Variants in GABPA observed in about 807,000 individuals in gnomAD.
GABPA encodes the protein GA binding protein transcription factor subunit alpha.
A neutral mutation model predicts 59.4 loss-of-function variants in GABPA; 4 were observed. The ratio of observed to expected loss-of-function variants is 0.07; its 90% CI spans 0.03 to 0.15. GABPA has a LOEUF of 0.15. GABPA is among the 10% of genes least tolerant of loss of function. The probability of loss-of-function intolerance (pLI) is 1.00; values close to 1 mark genes in which losing one functional copy is unlikely to be tolerated. For missense variants in GABPA, 251 were observed against 543.8 expected (o/e 0.46, Z 5.36); for synonymous variants, 164 against 183.1 (o/e 0.90, Z 0.84).
chr21:25,742,643 GTGGCTCATGCCT>G (rs2035250280), intron 2 of GABPA, among the ~76,000 whole-genome samples: 1 of 152,106 alleles, frequency 6.6e-6, no homozygotes, highest in African/African-American at 2.4e-5. Flanking sequence ...GCCAGATGCA[GTGGCTCATGCCT>G]GTAGTCCCAA....
At chr21:25,758,616 T>A (rs577050455) in intron 6 of GABPA, among the ~76,000 whole-genome samples, 4 of 152,358 alleles carry the variant, frequency 2.6e-5, no homozygotes, top group Admixed American at 2.0e-4. Flanking sequence ...ACGGAAGAGA[T>A]CATTTGTTTA....
At position 25,734,984 on chromosome 21, in the gene GABPA, C is replaced by A; in HGVS notation, c.-621C>A. On this transcript the variant is annotated 5_prime_UTR_variant, in exon 1 of 10. Transcript: ENST00000400075. ...GGGCCGCCGTTTCAGTCGGTCGACGCTCACCGGACAGGAAGCGTCTCGGAG... is the reference window on the plus strand; with the variant it reads ...GGGCCGCCGTTTCAGTCGGTCGACGATCACCGGACAGGAAGCGTCTCGGAG... The A allele has an allele frequency of 6.4e-7, 1 of 1,558,824 alleles. No individual in the cohort carries two copies.
At chr21:25,764,953 C>T (rs1245513752) in intron 9 of GABPA, among the ~76,000 whole-genome samples, 166 bp downstream of exon 9, 4 of 144,776 alleles carry the variant, frequency 2.8e-5, no homozygotes, top group African/African-American at 8.1e-5. Flanking sequence ...TTAATAATTT[C>T]GAGGTACAGT....
chr21:25,754,568 A>G (rs1423352719), intron 5 of GABPA, among the ~76,000 whole-genome samples: 2 of 151,926 alleles, frequency 1.3e-5, no homozygotes, highest in African/African-American at 2.4e-5. Context: ...CTGATCTTAT[A>G]TTGCCAATAT....
intron 8 of GABPA, 65 bp downstream of exon 8, chr21:25,764,415 T>C: frequency 6.7e-7 from 1 of 1,485,518 alleles, no homozygotes; most frequent in Non-Finnish European, 9.1e-7. Context: ...TTGTTGTATT[T>C]TACTGTATGA....
In GABPA at chr21:25,758,744, C is replaced by T. The variant is rs903688558; in HGVS notation, c.748+540C>T. ...GGAAGTGTATGCAGCCACCTTTTGG[C>T]ATTGGAAGCCATTGGTTATAAGTTT... On this transcript the variant is annotated intron_variant, in intron 6 of 9. Coordinates refer to ENST00000400075, the MANE Select transcript of GABPA (RefSeq NM_002040.4). Among the ~76,000 whole-genome samples the T allele has an allele frequency of 3.3e-5, 5 of 152,128 alleles. No individual in the cohort carries two copies. In the East Asian group the frequency reaches 7.7e-4, roughly 23 times the overall value.
At chr21:25,748,895 T>C in intron 3 of GABPA, 141 bp from the exon 4 acceptor site, 1 of 633,618 alleles carries the variant, frequency 1.6e-6, no homozygotes, top group Non-Finnish European at 2.8e-6. Flanking sequence ...TATGACAAGC[T>C]AAATAATGTG....
At chr21:25,758,374 C>A (rs1248379847) in intron 6 of GABPA, among the ~76,000 whole-genome samples, 170 bp downstream of exon 6, 1 of 151,964 alleles carries the variant, frequency 6.6e-6, no homozygotes, top group Non-Finnish European at 1.5e-5. Context: ...TTCTTTAATT[C>A]CTATAGTAAC....
chr21:25,744,013 C>T (rs2035294728), intron 2 of GABPA, among the ~76,000 whole-genome samples: 1 of 134,368 alleles, frequency 7.4e-6, no homozygotes, highest in Non-Finnish European at 1.5e-5. Context: ...CACTGCACCC[C>T]AGCCTAGGAA....
chr21:25,736,449 G>T (rs910223009), intron 1 of GABPA, among the ~76,000 whole-genome samples: 1 of 152,132 alleles, frequency 6.6e-6, no homozygotes, highest in Non-Finnish European at 1.5e-5. Context: ...GCAACTGCTT[G>T]AGGGACTAGC....
At chr21:25,763,104 C>A in intron 7 of GABPA, 1 of 464,654 alleles carries the variant, frequency 2.2e-6, no homozygotes. Flanking sequence ...CTCTTAATAT[C>A]CATCTCCATT....
intron 6 of GABPA, among the ~76,000 whole-genome samples, chr21:25,760,400 G>A (rs140783760): frequency 4.3e-4 from 65 of 152,266 alleles, no homozygotes; most frequent in African/African-American, 1.4e-3. Flanking sequence ...TAATAACCCA[G>A]CCTCTATTAT....
At chr21:25,739,235 C>G (rs1362853326) in intron 1 of GABPA, among the ~76,000 whole-genome samples, 1 of 152,154 alleles carries the variant, frequency 6.6e-6, no homozygotes, top group Non-Finnish European at 1.5e-5. Context: ...ACCAGCTACC[C>G]CATAGTTGGA....
Position 25,736,458 on chromosome 21 carries a change from G to T in GABPA, c.-27+880G>T, listed in dbSNP as rs374426264. ...TCTTTAGCAACTGCTTGAGGGACTA[G>T]CCTGTCTCTCAGGGTTCCATCCAGG... On this transcript the variant is annotated intron_variant, in intron 1 of 9. Transcript: ENST00000400075. Among the ~76,000 whole-genome samples, 17 of 152,192 alleles carry T rather than the reference G, an allele frequency of 1.1e-4. No homozygotes were observed. The East Asian group carries it at 2.7e-3, about 24-fold the overall frequency.
intron 1 of GABPA, among the ~76,000 whole-genome samples, chr21:25,737,519 T>C (rs1056234663): frequency 1.2e-4 from 18 of 152,180 alleles, no homozygotes; most frequent in Non-Finnish European, 2.2e-4. Flanking sequence ...TTTTGTTTTT[T>C]CTCTATTTGG....
intron 6 of GABPA, among the ~76,000 whole-genome samples, chr21:25,759,616 A>G (rs71651623): frequency 0.025 from 3,737 of 152,246 alleles, 155 homozygotes; most frequent in African/African-American, 0.085. Flanking sequence ...TTAAGTATCT[A>G]TGATACTAAA....
chr21:25,737,706 A>G (rs2035117355), intron 1 of GABPA, among the ~76,000 whole-genome samples: 1 of 152,184 alleles, frequency 6.6e-6, no homozygotes, highest in Non-Finnish European at 1.5e-5. Flanking sequence ...TATCTTGCCA[A>G]AGTTTCCAGA....
At chr21:25,767,965 T>G (rs71651653) in intron 9 of GABPA, among the ~76,000 whole-genome samples, 3,839 of 152,236 alleles carry the variant, frequency 0.025, 164 homozygotes, top group African/African-American at 0.088. Context: ...CTGGTACTTT[T>G]GCAAATAGTT....
rs1382739617 is a variant in GABPA at position 25,735,171 on chromosome 21, G to C, written c.-434G>C. 1 of 615,596 alleles carries C rather than the reference G, an allele frequency of 1.6e-6. No homozygotes were observed. Among genetic ancestry groups the C allele is most frequent in the East Asian group, 2.8e-5 (1 of 36,288 alleles). 38.1% of individuals were successfully genotyped at this position (615,596 alleles called of 1,614,324 possible). A position where few individuals can be genotyped will look rare whatever the true frequency, so the allele number is the denominator to read the frequency against. Reference sequence around the variant, plus strand: ...CCTTGAAACCTTGCTCTGTACGCATGCGCTCTTTGAGTGGCCTTTCCCCTA... The same window carrying C: ...CCTTGAAACCTTGCTCTGTACGCATCCGCTCTTTGAGTGGCCTTTCCCCTA... On this transcript the variant is annotated 5_prime_UTR_variant, in exon 1 of 10. The change abolishes an upstream ATG in the 5' untranslated region. Coordinates refer to ENST00000400075, the MANE Select transcript of GABPA (RefSeq NM_002040.4).
Sources: allele counts gnomAD v4.1 joint callset (sites outside exome capture counted in the v4.1 genomes callset), GRCh38; gene constraint gnomAD v4.1.1; transcripts MANE v1.5; gene names NCBI Gene and HGNC (gene_info 2026-07-23, HGNC 2026-07-21).